Variants in PAQR8 observed in about 807,000 individuals in gnomAD.
PAQR8 encodes the protein membrane progestin receptor beta.
PAQR8 carries 17 observed loss-of-function variants against 25.2 expected under a neutral mutation model. The observed-to-expected ratio is 0.67, with a 90% CI of 0.46 to 1.01. The LOEUF is 1.01. PAQR8 is among the 50% of genes least tolerant of loss of function. The pLI is 0.00. For synonymous variants in PAQR8, 204 were observed against 190.6 expected, an observed-to-expected ratio of 1.07 and a Z score of -0.58; for missense variants, 392 against 448.4, an observed-to-expected ratio of 0.87 and a Z score of 1.14.
At chr6:52,381,481 G>C (rs1323497277) in intron 1 of PAQR8, among the ~76,000 whole-genome samples, 1 of 152,208 alleles carries the variant, frequency 6.6e-6, no homozygotes, top group African/African-American at 2.4e-5. Context: ...GGTGGTAAGT[G>C]CCTGTAGTCT....
At chr6:52,389,504 A>G (rs1260721878) in intron 1 of PAQR8, among the ~76,000 whole-genome samples, 1 of 152,132 alleles carries the variant, frequency 6.6e-6, no homozygotes, top group African/African-American at 2.4e-5. Flanking sequence ...TGTGGAATAG[A>G]TAGATAAGGG....
rs1326766147 is a variant in PAQR8, at chr6:52,406,854, C to T, written c.*2576C>T. On this transcript the variant is annotated 3_prime_UTR_variant, in exon 2 of 2. Coordinates refer to ENST00000442253, the MANE Select transcript of PAQR8 (RefSeq NM_133367.5). ...TTGGGATTACAGACATTAGCCATCACGCCTGCCCTAGAAACAGTTTTTTAA... is the reference window on the plus strand; with the variant it reads ...TTGGGATTACAGACATTAGCCATCATGCCTGCCCTAGAAACAGTTTTTTAA... 5 of 299,316 alleles carry T rather than the reference C, an allele frequency of 1.7e-5. No homozygotes were observed. Among genetic ancestry groups the T allele is most frequent in the African/African-American group, 8.7e-5 (4 of 46,018 alleles). 18.5% of individuals were successfully genotyped at this position (299,316 alleles called of 1,614,324 possible).
At chr6:52,393,301 G>A (rs1184108548) in intron 1 of PAQR8, among the ~76,000 whole-genome samples, 2 of 144,282 alleles carry the variant, frequency 1.4e-5, no homozygotes, top group Admixed American at 6.9e-5. Context: ...TCATATAAGT[G>A]TTTGATACTA....
chr6:52,365,658 G>A lies in PAQR8; in HGVS notation c.-53+3409G>A, dbSNP rs557783607. Among the ~76,000 whole-genome samples the A allele has an allele frequency of 5.3e-5, 8 of 152,156 alleles. No individual in the cohort carries two copies. In the East Asian group the frequency reaches 1.5e-3, roughly 29 times the overall value. On this transcript the variant is annotated intron_variant, in intron 1 of 1. Coordinates refer to ENST00000442253, the MANE Select transcript of PAQR8 (RefSeq NM_133367.5). ...AGGTAATGATATTCCCTTCAGTTAG[G>A]TTTTGCAACTAACTACAAATAGAAC...
In PAQR8 at chr6:52,403,914, T is replaced by C; in HGVS notation, c.701T>C (p.Leu234Pro). ...DISPVAHRVALCHLAGCQEQA... is the reference protein window; with the variant it reads ...DISPVAHRVAPCHLAGCQEQA... ...AGCCCTGTGGCACACCGTGTGGCGC[T>C]CTGTCACCTGGCTGGCTGCCAGGAG... is the stretch of plus-strand genomic sequence containing the variant. Residue 234 changes from leucine to proline, a missense_variant, in exon 2 of 2, where the codon CTC (leucine) becomes CCC (proline). Physicochemically the swap from Leu to Pro is moderately conservative, Grantham distance 98. Transcript: ENST00000442253. 1 of 1,614,232 alleles carries C rather than the reference T, an allele frequency of 6.2e-7. No homozygotes were observed. Among genetic ancestry groups the C allele is most frequent in the South Asian group, 1.1e-5 (1 of 91,088 alleles).
At chr6:52,370,370 A>G (rs930686985) in intron 1 of PAQR8, among the ~76,000 whole-genome samples, 2 of 152,154 alleles carry the variant, frequency 1.3e-5, no homozygotes, top group Non-Finnish European at 2.9e-5. Context: ...ATTTACAGGG[A>G]TATTTTTGGC....
At chr6:52,394,121 G>T (rs776757911) in intron 1 of PAQR8, among the ~76,000 whole-genome samples, 2 of 152,098 alleles carry the variant, frequency 1.3e-5, no homozygotes, top group Non-Finnish European at 2.9e-5. Context: ...TCAGACAGGG[G>T]CCAATGAGAG....
intron 1 of PAQR8, among the ~76,000 whole-genome samples, chr6:52,368,130 GCA>G (rs150123992): frequency 6.6e-6 from 1 of 151,394 alleles, no homozygotes; most frequent in Non-Finnish European, 1.5e-5. Context: ...CTTGGGACGT[GCA>G]CACACACACA....
At chr6:52,394,804 G>A (rs1300799228) in intron 1 of PAQR8, among the ~76,000 whole-genome samples, 1 of 152,054 alleles carries the variant, frequency 6.6e-6, no homozygotes, top group Non-Finnish European at 1.5e-5. Context: ...ATATGTCAAG[G>A]AACATCTGTA....
chr6:52,395,867 A>G (rs1184165670), intron 1 of PAQR8, among the ~76,000 whole-genome samples: 1 of 152,214 alleles, frequency 6.6e-6, no homozygotes, highest in African/African-American at 2.4e-5. Flanking sequence ...TATGAGGACA[A>G]TGACACTGAG....
intron 1 of PAQR8, among the ~76,000 whole-genome samples, chr6:52,375,107 T>G (rs1465966898): frequency 6.6e-6 from 1 of 152,106 alleles, no homozygotes; most frequent in Non-Finnish European, 1.5e-5. Context: ...AGACGACAAG[T>G]CACTTAGTTG....
rs575167043 is a variant in PAQR8, at chr6:52,405,147, C to T, written c.*869C>T. 1.8e-5 allele frequency: 3 copies of T among 167,204 alleles called. No individual in the cohort carries two copies. Among genetic ancestry groups the T allele is most frequent in the African/African-American group, 7.2e-5 (3 of 41,582 alleles). 10.4% of individuals were successfully genotyped at this position (167,204 alleles called of 1,614,324 possible). Reference sequence around the variant, plus strand: ...ATTACTTGAGAGTTATCAGGGCTGCCTAACAGACCAGGAGATCTGGGGGTT... The same window carrying T: ...ATTACTTGAGAGTTATCAGGGCTGCTTAACAGACCAGGAGATCTGGGGGTT... On this transcript the variant is annotated 3_prime_UTR_variant, in exon 2 of 2. Coordinates refer to ENST00000442253, the MANE Select transcript of PAQR8 (RefSeq NM_133367.5).
chr6:52,372,440 T>A (rs1204876529), intron 1 of PAQR8, among the ~76,000 whole-genome samples: 1 of 152,104 alleles, frequency 6.6e-6, no homozygotes, highest in East Asian at 1.9e-4. Context: ...TGTGTTTAAC[T>A]CCCTCATGTT....
intron 1 of PAQR8, among the ~76,000 whole-genome samples, chr6:52,399,172 T>TATAA (rs1170019427): frequency 6.6e-6 from 1 of 152,250 alleles, no homozygotes; most frequent in Admixed American, 6.5e-5. Flanking sequence ...TTCTTAGTTC[T>TATAA]ATAAATCTCT....
At chr6:52,395,761 A>G (rs1763760585) in intron 1 of PAQR8, among the ~76,000 whole-genome samples, 1 of 152,196 alleles carries the variant, frequency 6.6e-6, no homozygotes, top group South Asian at 2.1e-4. Context: ...TGAAAGTACT[A>G]TTCCATTACT....
At chr6:52,390,813 A>G (rs2057538) in intron 1 of PAQR8, among the ~76,000 whole-genome samples, 20,232 of 152,214 alleles carry the variant, frequency 0.13, 1,434 homozygotes, top group Non-Finnish European at 0.15. Flanking sequence ...TTGAGCTCAC[A>G]GAAAAATGCA....
Position 52,403,941 on chromosome 6 carries a change from A to G in PAQR8, c.728A>G (p.Gln243Arg). The G allele has an allele frequency of 6.2e-7, 1 of 1,614,198 alleles. No homozygotes were observed. Among genetic ancestry groups the G allele is most frequent in the Non-Finnish European group, 8.5e-7 (1 of 1,180,028 alleles). ...ALCHLAGCQE[Q>R]AAWYHTLQIL... is the part of the protein sequence containing the mutation. ...TGTCACCTGGCTGGCTGCCAGGAGC[A>G]AGCAGCCTGGTACCACACCCTCCAG... is the stretch of plus-strand genomic sequence containing the variant. The change falls in exon 2 of 2, where the codon CAA becomes CGA. Residue 243 changes from glutamine (Q) to arginine (R), a missense_variant. By Grantham distance (43) the Gln-to-Arg change is conservative. Coordinates refer to ENST00000442253, the MANE Select transcript of PAQR8 (RefSeq NM_133367.5).
chr6:52,398,370 C>A (rs2113950464), intron 1 of PAQR8, among the ~76,000 whole-genome samples: 1 of 151,782 alleles, frequency 6.6e-6, no homozygotes, highest in Middle Eastern at 3.4e-3. Flanking sequence ...ACACACCCAG[C>A]TAATTTTTTG....
At position 52,392,139 on chromosome 6, in the gene PAQR8, C is replaced by T. The variant is rs551707060; in HGVS notation, c.-52-11023C>T. 4.6e-5 allele frequency among the ~76,000 whole-genome samples: 7 copies of T among 152,080 alleles called. No individual in the cohort carries two copies. The South Asian group carries it at 8.3e-4, about 18-fold the overall frequency. On this transcript the variant is annotated intron_variant, in intron 1 of 1. Transcript: ENST00000442253. ...GGCAGATTGCCTGAGCTCAGGAGTTCGAGACCAGCCTGGGCAACACGGTGA... is the reference window on the plus strand; with the variant it reads ...GGCAGATTGCCTGAGCTCAGGAGTTTGAGACCAGCCTGGGCAACACGGTGA...
Sources: allele counts gnomAD v4.1 joint callset (sites outside exome capture counted in the v4.1 genomes callset), GRCh38; gene constraint gnomAD v4.1.1; transcripts MANE v1.5; gene names NCBI Gene and HGNC (gene_info 2026-07-23, HGNC 2026-07-21).